The following ZNF723 variants were observed in gnomAD, a reference collection of about 807,000 sequenced individuals.
ZNF723 encodes zinc finger protein 723, pseudogene.
A neutral mutation model predicts 9.4 loss-of-function variants in ZNF723; 5 were observed. That is an observed-to-expected ratio of 0.53 (90% CI 0.28 to 1.12). The LOEUF (loss-of-function observed/expected upper bound fraction) is 1.12. Ranked by LOEUF, ZNF723 falls within the 50% of genes most tolerant of loss-of-function variation. The probability of loss-of-function intolerance (pLI) is 0.10; values close to 1 mark genes in which losing one functional copy is unlikely to be tolerated. For synonymous variants in ZNF723, 158 were observed against 168.8 expected, an observed-to-expected ratio of 0.94 and a Z score of 0.49; for missense variants, 450 against 501.5, an observed-to-expected ratio of 0.90 and a Z score of 0.98.
chr19:22,834,828 A>G (rs575969265), intron 1 of ZNF723, among the ~76,000 whole-genome samples: 25 of 151,452 alleles, frequency 1.7e-4, no homozygotes, highest in Admixed American at 6.6e-4. Flanking sequence ...AAGATTTGTG[A>G]AAAAAAAATA....
rs1967511540 is a variant in ZNF723 at position 22,858,220 on chromosome 19, T to G, written c.1329T>G (p.His443Gln). 1 of 1,369,414 alleles carries G rather than the reference T, an allele frequency of 7.3e-7. No individual in the cohort carries two copies. 84.8% of individuals were successfully genotyped at this position (1,369,414 alleles called of 1,614,324 possible). ...GCCAATCCTCAACCCTTACTAAACA[T>G]AAGATAATTCATACTAAAGAGAAAC... ...GFSQSSTLTK[H>Q]KIIHTKEKPY... Residue 443 changes from histidine to glutamine, a missense_variant, in exon 4 of 4, where the codon CAT becomes CAG. Physicochemically the swap from His to Gln is conservative, Grantham distance 24 (BLOSUM62 0). Around this residue, in one of 5 missense-constraint regions of ZNF723, gnomAD observed 237 missense variants for 332.2 expected, o/e 0.71. Transcript: ENST00000600766.
At chr19:22,817,651 T>A in the ZNF723 span, among the ~76,000 whole-genome samples, 2 of 152,148 alleles carry the variant, frequency 1.3e-5, no homozygotes, top group African/African-American at 2.4e-5. Context: ...TCTTGCTTAC[T>A]CTATAACCAC....
intron 3 of ZNF723, among the ~76,000 whole-genome samples, chr19:22,851,750 T>A (rs1413766797): frequency 1.8e-5 from 2 of 111,874 alleles, no homozygotes; most frequent in Non-Finnish European, 4.1e-5. Context: ...TTTTGTCTTG[T>A]TTTTGAAGTA....
chr19:22,822,922 C>G, the ZNF723 span, among the ~76,000 whole-genome samples: 1 of 152,268 alleles, frequency 6.6e-6, no homozygotes. Context: ...GGCTGTCATT[C>G]TCACAAATGG....
At chr19:22,820,274 C>T in the ZNF723 span, among the ~76,000 whole-genome samples, 1 of 152,074 alleles carries the variant, frequency 6.6e-6, no homozygotes, top group East Asian at 1.9e-4. Context: ...TCATGGGCCC[C>T]CAAACCAGGT....
chr19:22,845,509 G>A (rs890337145), intron 1 of ZNF723, among the ~76,000 whole-genome samples: 10 of 151,852 alleles, frequency 6.6e-5, no homozygotes, highest in Admixed American at 1.3e-4. Context: ...AGTTTCACCT[G>A]TTTACTACAG....
the ZNF723 span, among the ~76,000 whole-genome samples, chr19:22,816,159 C>A: frequency 6.6e-6 from 1 of 152,150 alleles, no homozygotes; most frequent in Non-Finnish European, 1.5e-5. Context: ...TTGTAGAAAG[C>A]CCTTTGGTGG....
chr19:22,821,128 T>C, the ZNF723 span, among the ~76,000 whole-genome samples: 2 of 152,226 alleles, frequency 1.3e-5, no homozygotes, highest in African/African-American at 4.8e-5. Context: ...AGACGGTGAC[T>C]CATGTACTTG....
chr19:22,818,095 T>C, the ZNF723 span, among the ~76,000 whole-genome samples: 1 of 152,208 alleles, frequency 6.6e-6, no homozygotes, highest in Non-Finnish European at 1.5e-5. Flanking sequence ...AGAACTCTTC[T>C]ATGTAAACCC....
At chr19:22,828,869 A>T (rs1263168499), upstream of ZNF723, among the ~76,000 whole-genome samples, 4 of 152,122 alleles carry the variant, frequency 2.6e-5, no homozygotes, top group South Asian at 6.2e-4. Context: ...GCCCCTTCTA[A>T]TCCTTTAAAA....
At chr19:22,847,776 A>G (rs1599477600) in intron 1 of ZNF723, among the ~76,000 whole-genome samples, 1 of 152,082 alleles carries the variant, frequency 6.6e-6, no homozygotes, top group South Asian at 2.1e-4. Flanking sequence ...TTTCAGAATT[A>G]GAGAATACAT....
At chr19:22,826,766 C>A in the ZNF723 span, among the ~76,000 whole-genome samples, 2 of 152,142 alleles carry the variant, frequency 1.3e-5, no homozygotes, top group South Asian at 4.2e-4. Flanking sequence ...AATGGCTCTA[C>A]GAACAACAGA....
At chr19:22,817,783 C>T in the ZNF723 span, among the ~76,000 whole-genome samples, 1 of 152,126 alleles carries the variant, frequency 6.6e-6, no homozygotes, top group South Asian at 2.1e-4. Flanking sequence ...TGAATAAATC[C>T]TTAGGTCTCT....
rs974364080 is a variant in ZNF723, at chr19:22,858,026, A to G, written c.1135A>G (p.Lys379Glu). Reference protein sequence around the residue: ...YKCEECGKAFKVSVHLTTHKR... With the variant: ...YKCEECGKAFEVSVHLTTHKR... ...ATGTGAAGAATGTGGCAAAGCTTTT[A>G]AAGTATCTGTACACCTTACTACACA... Residue 379 changes from lysine to glutamate, a missense_variant, in exon 4 of 4, where the codon AAA (lysine) becomes GAA (glutamate). Around this residue, in one of 5 missense-constraint regions of ZNF723, gnomAD observed 237 missense variants for 332.2 expected, o/e 0.71. Coordinates refer to ENST00000600766, the MANE Select transcript of ZNF723 (RefSeq NM_001349726.2). 2.0e-6 allele frequency: 3 copies of G among 1,536,220 alleles called. No homozygotes were observed. The highest frequency in any genetic ancestry group is 9.0e-7 in the Non-Finnish European group (1 of 1,110,406).
chr19:22,842,313 T>C (rs1967257863), intron 1 of ZNF723, among the ~76,000 whole-genome samples: 1 of 152,184 alleles, frequency 6.6e-6, no homozygotes, highest in African/African-American at 2.4e-5. Context: ...GGTCCTGAAC[T>C]AAGAGTTTTT....
At chr19:22,835,858 T>C (rs575330788) in intron 1 of ZNF723, among the ~76,000 whole-genome samples, 1 of 152,322 alleles carries the variant, frequency 6.6e-6, no homozygotes, top group African/African-American at 2.4e-5. Context: ...TTGGTACCTC[T>C]TAGGAATGTT....
Position 22,848,262 on chromosome 19 carries a change from G to T in ZNF723, c.5G>T (p.Gly2Val). 9.2e-7 allele frequency: 1 copy of T among 1,085,968 alleles called. No homozygotes were observed. Among genetic ancestry groups the T allele is most frequent in the East Asian group, 2.4e-5 (1 of 41,278 alleles). The allele number at this position is 1,085,968 out of a possible 1,614,324, so 67.3% of individuals were successfully genotyped here. The change falls in exon 2 of 4, where the codon GGA becomes GTA. Residue 2 changes from glycine (G) to valine (V), a missense_variant and splice_region_variant. By Grantham distance (109) the Gly-to-Val change is moderately radical. Around this residue, in one of 5 missense-constraint regions of ZNF723, gnomAD observed 19 missense variants for 20.1 expected, o/e 0.95. Coordinates refer to ENST00000600766, the MANE Select transcript of ZNF723 (RefSeq NM_001349726.2). ...TGTGTGTGTGTGTTTTTTTTTCAGGGACCATTGACATTCACAGATGTGGCA... is the reference window on the plus strand; with the variant it reads ...TGTGTGTGTGTGTTTTTTTTTCAGGTACCATTGACATTCACAGATGTGGCA... M[G>V]PLTFTDVAIK...
At chr19:22,817,410 T>G in the ZNF723 span, among the ~76,000 whole-genome samples, 1 of 152,092 alleles carries the variant, frequency 6.6e-6, no homozygotes, top group Middle Eastern at 3.2e-3. Context: ...GAATTCATTA[T>G]GTATGAGATG....
chr19:22,815,473 G>A, the ZNF723 span, among the ~76,000 whole-genome samples: 20 of 152,220 alleles, frequency 1.3e-4, no homozygotes, highest in African/African-American at 4.1e-4. Flanking sequence ...TTTCAGGAGG[G>A]GATTGTACTA....
Sources: gnomAD v4.1 joint callset for allele counts (sites outside exome capture counted in the v4.1 genomes callset) on GRCh38, gnomAD v4.1.1 for gene constraint, gnomAD v4.1.1 regional missense constraint, MANE v1.5 for transcripts, NCBI Gene and HGNC (gene_info 2026-07-23, HGNC 2026-07-21) for gene names.